The following DYM variants were observed in gnomAD, a reference collection of about 807,000 sequenced individuals.
DYM encodes the protein dyggve-Melchior-Clausen syndrome protein.
A neutral mutation model predicts 93.1 loss-of-function variants in DYM; 78 were observed. The observed-to-expected ratio is 0.84, with a 90% CI of 0.70 to 1.01. The LOEUF is 1.01. Ranked by LOEUF, DYM falls within the 50% of genes least tolerant of loss-of-function variation. The pLI is 0.00. For synonymous variants in DYM, 321 were observed against 319.7 expected, an observed-to-expected ratio of 1.00 and a Z score of -0.04; for missense variants, 789 against 845.0, an observed-to-expected ratio of 0.93 and a Z score of 0.82.
rs1364645930 is a variant in DYM, at chr18:49,202,552, G to A, written c.1625+6999C>T. 1.9e-4 allele frequency among the ~76,000 whole-genome samples: 25 copies of A among 130,958 alleles called. No homozygotes were observed. In the South Asian group the frequency reaches 2.1e-3, roughly 11 times the overall value. The allele number at this position is 130,958 out of a possible 152,430, so 85.9% of individuals were successfully genotyped here. On this transcript the variant is annotated intron_variant, in intron 14 of 17. Transcript: ENST00000675505. ...CCATCCCATCTAGGAAGTGAGGAGC[G>A]CCTCTTCCCAGCCGCCATCACATCT...
At chr18:49,149,702 GTTTTTTTTT>G (rs35259913) in intron 15 of DYM, among the ~76,000 whole-genome samples, 1 of 76,842 alleles carries the variant, frequency 1.3e-5, no homozygotes, top group East Asian at 4.5e-4. Flanking sequence ...ATTACAAAGT[GTTTTTTTTT>G]TTTTTTTTTT....
chr18:49,244,857 C>T (rs1431347796), intron 13 of DYM, among the ~76,000 whole-genome samples: 1 of 152,146 alleles, frequency 6.6e-6, no homozygotes, highest in Non-Finnish European at 1.5e-5. Context: ...CCATCAAGAA[C>T]AAGACATGGT....
chr18:49,293,046 A>G (rs189497918), intron 8 of DYM, among the ~76,000 whole-genome samples: 8 of 152,112 alleles, frequency 5.3e-5, no homozygotes, highest in Non-Finnish European at 1.2e-4. Flanking sequence ...CTCATTGCTC[A>G]GCTCCCACTT....
At position 49,037,015 on chromosome 18, in the gene DYM, C is replaced by T. The variant is rs2070729192; in HGVS notation, c.*7040G>A. On this transcript the variant is annotated 3_prime_UTR_variant, in exon 18 of 18. Coordinates refer to ENST00000675505, the MANE Select transcript of DYM (RefSeq NM_001353214.3). ...CTCCCAGGTTCAAGCAATTCTCTTG[C>T]CTCAGCCTCCTGCGTAGCTGGGACT... Among the ~76,000 whole-genome samples, 1 of 152,156 alleles carries T rather than the reference C, an allele frequency of 6.6e-6. No homozygotes were observed. The highest frequency in any genetic ancestry group is 2.4e-5 in the African/African-American group (1 of 41,424).
At chr18:49,410,435 T>C (rs1402893821) in intron 2 of DYM, among the ~76,000 whole-genome samples, 1 of 146,690 alleles carries the variant, frequency 6.8e-6, no homozygotes, top group Admixed American at 6.8e-5. Context: ...GGATTAAGGT[T>C]AAAAAAAAAT....
intron 15 of DYM, among the ~76,000 whole-genome samples, chr18:49,162,996 T>C (rs1222114566): frequency 6.6e-6 from 1 of 152,240 alleles, no homozygotes. Context: ...TTTTCAATTT[T>C]AGGTTCCAGA....
intron 8 of DYM, among the ~76,000 whole-genome samples, chr18:49,299,450 C>G (rs2060764184): frequency 6.6e-6 from 1 of 152,148 alleles, no homozygotes; most frequent in African/African-American, 2.4e-5. Context: ...ATACCACCAC[C>G]AGAGACTCCT....
chr18:49,433,409 A>G lies in DYM; in HGVS notation c.-53-2962T>C, dbSNP rs565252271. On this transcript the variant is annotated intron_variant, in intron 1 of 17. Transcript: ENST00000675505. ...AACATTTATATAATCACTATGATAT[A>G]AATACTAAATATTTAACCAAAAATT... Among the ~76,000 whole-genome samples the G allele has an allele frequency of 3.9e-5, 6 of 152,356 alleles. No individual in the cohort carries two copies. In the South Asian group the frequency reaches 8.3e-4, roughly 21 times the overall value.
chr18:49,252,928 A>G (rs1461336145), intron 13 of DYM, among the ~76,000 whole-genome samples: 1 of 152,204 alleles, frequency 6.6e-6, no homozygotes, highest in Non-Finnish European at 1.5e-5. Context: ...GGCATATCCA[A>G]AAGACTTACA....
intron 8 of DYM, among the ~76,000 whole-genome samples, chr18:49,289,739 A>G (rs368823261): frequency 0.087 from 1,578 of 18,166 alleles, 39 homozygotes; most frequent in Non-Finnish European, 0.13. Context: ...ATATATATAT[A>G]TATATATATA....
chr18:49,258,452 A>G lies in DYM; in HGVS notation c.1293T>C (p.Thr431=). The change falls in exon 12 of 18, where the codon ACT becomes ACC. Residue 431 remains threonine, a synonymous_variant. Coordinates refer to ENST00000675505, the MANE Select transcript of DYM (RefSeq NM_001353214.3). The part of the protein sequence containing the change: ...NITWYSERVL[T]EISLGSLLIL... ...TCAGGAGACTCCCCAAGGAGATTTCAGTTAAAACTCGTTCTGAATACCAAG... is the reference window on the plus strand; with the variant it reads ...TCAGGAGACTCCCCAAGGAGATTTCGGTTAAAACTCGTTCTGAATACCAAG... The G allele has an allele frequency of 6.2e-7, 1 of 1,613,588 alleles. No homozygotes were observed.
At chr18:49,176,230 A>G (rs536482228) in intron 14 of DYM, among the ~76,000 whole-genome samples, 4 of 152,288 alleles carry the variant, frequency 2.6e-5, no homozygotes, top group African/African-American at 9.6e-5. Flanking sequence ...TACTGATAAA[A>G]TATGTTGAAA....
chr18:49,066,070 G>T (rs1234279058), intron 17 of DYM, among the ~76,000 whole-genome samples: 2 of 151,950 alleles, frequency 1.3e-5, no homozygotes, highest in Non-Finnish European at 2.9e-5. Context: ...ATACCGAAAA[G>T]TTCCCAAGTG....
intron 8 of DYM, among the ~76,000 whole-genome samples, chr18:49,291,859 A>C (rs2060133518): frequency 6.6e-6 from 1 of 152,214 alleles, no homozygotes; most frequent in Non-Finnish European, 1.5e-5. Context: ...CCAGTAGCCA[A>C]GTATTAATTA....
chr18:49,286,506 C>A lies in DYM; in HGVS notation c.874G>T (p.Ala292Ser), dbSNP rs777175513. 2 of 1,614,076 alleles carry A rather than the reference C, an allele frequency of 1.2e-6. No homozygotes were observed. The highest frequency in any genetic ancestry group is 1.7e-6 in the Non-Finnish European group (2 of 1,179,986). ...GCATCTGAGGCATCTGTCAGATTGG[C>A]CAACACCAGCAGAAGCAGGAGACTC... ...NQSLLLLLVL[A>S]NLTDASDAPN... Residue 292 changes from alanine to serine, a missense_variant, in exon 9 of 18, where the codon GCC (alanine) becomes TCC (serine). Physicochemically the swap from Ala to Ser is moderately conservative, Grantham distance 99 (BLOSUM62 1). Transcript: ENST00000675505.
intron 13 of DYM, among the ~76,000 whole-genome samples, chr18:49,247,038 C>T (rs537843009): frequency 6.8e-4 from 103 of 152,322 alleles, no homozygotes; most frequent in African/African-American, 2.0e-3. Context: ...GTAGAGTGAA[C>T]AGACTTGGAA....
At chr18:49,202,853 GA>G (rs2092147680) in intron 14 of DYM, among the ~76,000 whole-genome samples, 1 of 98,236 alleles carries the variant, frequency 1.0e-5, no homozygotes, top group Non-Finnish European at 2.2e-5. Flanking sequence ...CCCCATCTGG[GA>G]AGTGAGGAGC....
chr18:49,109,025 A>AC (rs1219499508), intron 16 of DYM, among the ~76,000 whole-genome samples: 2 of 138,752 alleles, frequency 1.4e-5, no homozygotes, highest in African/African-American at 2.6e-5. Flanking sequence ...TAGTCATCCT[A>AC]CCCCTTTTTT....
At chr18:49,086,971 G>C (rs1252782075) in intron 17 of DYM, among the ~76,000 whole-genome samples, 1 of 151,846 alleles carries the variant, frequency 6.6e-6, no homozygotes, top group East Asian at 1.9e-4. Flanking sequence ...CCGGGTAACA[G>C]AGTGAAGCTC....
Sources: allele counts gnomAD v4.1 joint callset (sites outside exome capture counted in the v4.1 genomes callset), GRCh38; gene constraint gnomAD v4.1.1; transcripts MANE v1.5; gene names NCBI Gene and HGNC (gene_info 2026-07-23, HGNC 2026-07-21).